The following HTR7 variants were observed in gnomAD, a reference collection of about 807,000 sequenced individuals.
The protein encoded by HTR7 is 5-HT-7.
A neutral mutation model predicts 34.0 loss-of-function variants in HTR7; 16 were observed. The observed-to-expected ratio is 0.47, with a 90% confidence interval of 0.32 to 0.71. The LOEUF (loss-of-function observed/expected upper bound fraction) is 0.71, where lower values mean the gene tolerates loss of function less well. Among genes scored for constraint, HTR7 ranks in the 30% least tolerant of loss-of-function variants. HTR7 has a pLI of 0.04. For missense variants in HTR7, 504 were observed against 625.5 expected, an observed-to-expected ratio of 0.81 and a Z score of 2.07; for synonymous variants, 265 against 260.2, an observed-to-expected ratio of 1.02 and a Z score of -0.18.
At chr10:90,856,491 A>C (rs1432401371) in intron 1 of HTR7, among the ~76,000 whole-genome samples, 1 of 152,196 alleles carries the variant, frequency 6.6e-6, no homozygotes, top group Admixed American at 6.5e-5. Context: ...GAAGGTTCCC[A>C]AGGGCTATGA....
At chr10:90,809,049 C>A (rs1015034154) in intron 1 of HTR7, among the ~76,000 whole-genome samples, 7 of 152,284 alleles carry the variant, frequency 4.6e-5, no homozygotes, top group African/African-American at 1.4e-4. Flanking sequence ...TCAGTCCCAA[C>A]CCCAAGCATC....
chr10:90,757,497 T>C (rs1472565524), intron 1 of HTR7, among the ~76,000 whole-genome samples: 1 of 152,110 alleles, frequency 6.6e-6, no homozygotes, highest in Non-Finnish European at 1.5e-5. Context: ...GTATTCAGAG[T>C]AAAGAGTAAT....
Position 90,783,086 on chromosome 10 carries a change from C to A in HTR7, c.540-33492G>T, listed in dbSNP as rs576785595. Among the ~76,000 whole-genome samples the A allele has an allele frequency of 1.3e-3, 204 of 152,302 alleles. 1 individual carries two copies. Among genetic ancestry groups the A allele is most frequent in the Non-Finnish European group, 1.9e-4 (13 of 68,032 alleles). Reference sequence around the variant, plus strand: ...TAATAAGGGTCTGTTTCTCCAATTACCATTTGCATCTACTTCTGTCAGGCC... The same window carrying A: ...TAATAAGGGTCTGTTTCTCCAATTAACATTTGCATCTACTTCTGTCAGGCC... On this transcript the variant is annotated intron_variant, in intron 1 of 3. Transcript: ENST00000336152.
Position 90,741,633 on chromosome 10 carries a change from GCCA to G in HTR7, c.*846_*848del, listed in dbSNP as rs1160717146. The stretch of plus-strand genomic sequence containing the variant: ...TCTTCCACATAACATACAGTTATGG[GCCA>G]GCCCATGGGTGGGCCCACTGCAGCC... On this transcript the variant is annotated 3_prime_UTR_variant, in exon 4 of 4. Coordinates refer to ENST00000336152, the MANE Select transcript of HTR7 (RefSeq NM_019859.4). 6.6e-6 allele frequency: 1 copy of G among 152,476 alleles called. No homozygotes were observed. Among genetic ancestry groups the G allele is most frequent in the Non-Finnish European group, 1.5e-5 (1 of 68,034 alleles). The allele number at this position is 152,476 out of a possible 1,614,324, so 9.4% of individuals were successfully genotyped here.
chr10:90,828,200 A>T (rs1189619232), intron 1 of HTR7, among the ~76,000 whole-genome samples: 1 of 152,238 alleles, frequency 6.6e-6, no homozygotes, highest in Admixed American at 6.5e-5. Context: ...AACCTGTGGG[A>T]TATAGTGAAA....
intron 1 of HTR7, among the ~76,000 whole-genome samples, chr10:90,804,538 C>T (rs796321754): frequency 4.6e-5 from 7 of 152,274 alleles, no homozygotes; most frequent in African/African-American, 1.7e-4. Flanking sequence ...CTGCATGCTC[C>T]CCCTCCCACA....
At chr10:90,842,246 A>G (rs984727499) in intron 1 of HTR7, among the ~76,000 whole-genome samples, 4 of 152,162 alleles carry the variant, frequency 2.6e-5, no homozygotes, top group African/African-American at 9.7e-5. Context: ...TTGCCACATG[A>G]CGATGCAGCA....
chr10:90,854,061 A>G (rs1846541977), intron 1 of HTR7, among the ~76,000 whole-genome samples: 1 of 152,274 alleles, frequency 6.6e-6, no homozygotes, highest in Non-Finnish European at 1.5e-5. Context: ...TAGAAAGGAA[A>G]AGCTGAAGAA....
chr10:90,794,202 A>G (rs1362859165), intron 1 of HTR7, among the ~76,000 whole-genome samples: 1 of 152,206 alleles, frequency 6.6e-6, no homozygotes, highest in Non-Finnish European at 1.5e-5. Flanking sequence ...GGTCAGGATC[A>G]TCAATATCAC....
At chr10:90,763,724 T>G (rs185658006) in intron 1 of HTR7, among the ~76,000 whole-genome samples, 1 of 152,340 alleles carries the variant, frequency 6.6e-6, no homozygotes, top group East Asian at 1.9e-4. Flanking sequence ...GTGTTTGGTT[T>G]TCTTTCCTGT....
At chr10:90,838,143 T>G (rs1477387982) in intron 1 of HTR7, among the ~76,000 whole-genome samples, 2 of 152,220 alleles carry the variant, frequency 1.3e-5, no homozygotes, top group Admixed American at 1.3e-4. Context: ...CTGACTTCTC[T>G]CTGGAATTCT....
chr10:90,784,474 C>A (rs1011850044), intron 1 of HTR7, among the ~76,000 whole-genome samples: 2 of 152,164 alleles, frequency 1.3e-5, no homozygotes, highest in African/African-American at 4.8e-5. Context: ...AATATGAACC[C>A]TTTTAAAAAC....
At chr10:90,843,898 A>G (rs1332586612) in intron 1 of HTR7, among the ~76,000 whole-genome samples, 1 of 152,194 alleles carries the variant, frequency 6.6e-6, no homozygotes, top group East Asian at 1.9e-4. Context: ...GAAGAATGCT[A>G]TTTTATGACA....
At chr10:90,754,052 T>G (rs997758038) in intron 1 of HTR7, among the ~76,000 whole-genome samples, 2 of 152,144 alleles carry the variant, frequency 1.3e-5, no homozygotes, top group African/African-American at 4.8e-5. Flanking sequence ...ATTTTTGTAG[T>G]GAGCATGTAA....
chr10:90,828,901 G>A (rs58578719), intron 1 of HTR7, among the ~76,000 whole-genome samples: 24,386 of 151,454 alleles, frequency 0.16, 1,942 homozygotes, highest in African/African-American at 0.17. Flanking sequence ...ATAGGATGTA[G>A]AAGTCTCAGG....
chr10:90,819,216 A>G (rs1216840023), intron 1 of HTR7, among the ~76,000 whole-genome samples: 1 of 152,232 alleles, frequency 6.6e-6, no homozygotes, highest in Non-Finnish European at 1.5e-5. Flanking sequence ...GATAGATACA[A>G]AACTCTAAAA....
chr10:90,845,382 C>T (rs1042818206), intron 1 of HTR7, among the ~76,000 whole-genome samples: 1 of 152,126 alleles, frequency 6.6e-6, no homozygotes, highest in African/African-American at 2.4e-5. Context: ...GCTACAATGA[C>T]GTAGTGAAAT....
intron 3 of HTR7, 80 bp downstream of exon 3, chr10:90,743,513 G>T: frequency 8.8e-7 from 1 of 1,136,676 alleles, no homozygotes; most frequent in Non-Finnish European, 1.3e-6. Flanking sequence ...GCTCAGCACG[G>T]CTCTGCTCAC....
intron 1 of HTR7, among the ~76,000 whole-genome samples, chr10:90,780,839 A>G (rs1845297169): frequency 6.6e-6 from 1 of 152,208 alleles, no homozygotes; most frequent in Admixed American, 6.5e-5. Flanking sequence ...CCAGAAAGAG[A>G]CAGACATAAC....
Sources: allele counts gnomAD v4.1 joint callset (sites outside exome capture counted in the v4.1 genomes callset), GRCh38; gene constraint gnomAD v4.1.1; transcripts MANE v1.5; gene names NCBI Gene and HGNC (gene_info 2026-07-23, HGNC 2026-07-21).